The following TSR1 variants were observed in gnomAD, a reference collection of about 807,000 sequenced individuals.
TSR1 encodes the protein TSR1 ribosome maturation factor.
A neutral mutation model predicts 90.9 loss-of-function variants in TSR1; 81 were observed. The ratio of observed to expected loss-of-function variants is 0.89; its 90% CI spans 0.74 to 1.07. TSR1 has a LOEUF of 1.07. TSR1 is among the 50% of genes least tolerant of loss of function. The pLI is 0.00. For missense variants in TSR1, 989 were observed against 987.3 expected (o/e 1.00, Z -0.02); for synonymous variants, 362 against 348.8 (o/e 1.04, Z -0.42).
intron 10 of TSR1, chr17:2,330,178 C>A (rs1379932003): frequency 4.4e-6 from 2 of 459,388 alleles, no homozygotes; most frequent in African/African-American, 2.0e-5. Flanking sequence ...CTTGGCCTCC[C>A]AAAAAGTGCT....
chr17:2,333,392 G>A, intron 6 of TSR1, 165 bp downstream of exon 6: 3 of 926,444 alleles, frequency 3.2e-6, no homozygotes, highest in South Asian at 1.4e-5. Context: ...GAACAAGACT[G>A]TGTATAATGT....
chr17:2,324,847 A>C lies in TSR1; in HGVS notation c.2021-18T>G, dbSNP rs1597273491. The stretch of plus-strand genomic sequence containing the variant: ...GTGCATTCCTAAAGGACAAAAGCAA[A>C]GAAGCTATTTAGGAATTTACAGGCC... On this transcript the variant is annotated intron_variant, in intron 12 of 14. Transcript: ENST00000301364. 1 of 1,599,200 alleles carries C rather than the reference A, an allele frequency of 6.3e-7. No homozygotes were observed. Among genetic ancestry groups the C allele is most frequent in the Non-Finnish European group, 8.5e-7 (1 of 1,175,484 alleles).
chr17:2,336,037 C>A lies in TSR1; in HGVS notation c.201G>T (p.Ala67=), dbSNP rs2064070640. The A allele has an allele frequency of 1.2e-6, 2 of 1,614,062 alleles. No homozygotes were observed. The highest frequency in any genetic ancestry group is 4.5e-5 in the East Asian group (2 of 44,900). ...ASQLRKQKKE[A]VLAEKRQLGG... ...TTCTCCCAAATCCCGCTCCTCTCAC[C>A]GCCTCCTTCTTCTGCTTTCGGAGCT... Residue 67 remains alanine (A), a splice_region_variant and synonymous_variant, in exon 2 of 15, where the codon GCG becomes GCT. Transcript: ENST00000301364.
Position 2,336,303 on chromosome 17 carries a change from CCTTATTCCTT to C in TSR1, c.97+18_97+27del. ...AAAGAGTTAATAACGGCCAAATAGC[CCTTATTCCTT>C]CTACGTTATCTCCTTACCCTTGCCG... On this transcript the variant is annotated intron_variant, in intron 1 of 14. Coordinates refer to ENST00000301364, the MANE Select transcript of TSR1 (RefSeq NM_018128.5). The C allele has an allele frequency of 2.5e-6, 4 of 1,613,590 alleles. No homozygotes were observed. The highest frequency in any genetic ancestry group is 3.4e-6 in the Non-Finnish European group (4 of 1,179,452).
intron 11 of TSR1, among the ~76,000 whole-genome samples, chr17:2,328,180 T>G (rs1233221913): frequency 2.8e-5 from 4 of 145,214 alleles, no homozygotes; most frequent in African/African-American, 1.0e-4. Flanking sequence ...AAGGCAGAGG[T>G]TGCAGTGAGC....
intron 8 of TSR1, 119 bp from the exon 9 acceptor site, chr17:2,331,228 C>T (rs998830391): frequency 9.9e-6 from 8 of 805,764 alleles, no homozygotes; most frequent in Non-Finnish European, 1.5e-5. Flanking sequence ...ATCCTCTCTC[C>T]AAACAACCCA....
rs543205503 is a variant in TSR1, at chr17:2,329,142, A to G, written c.1903+201T>C. 2.1e-5 allele frequency: 18 copies of G among 863,908 alleles called. No individual in the cohort carries two copies. In the Admixed American group the frequency reaches 2.4e-4, roughly 11 times the overall value. The allele number at this position is 863,908 out of a possible 1,614,324, so 53.5% of individuals were successfully genotyped here. A position where few individuals can be genotyped will look rare whatever the true frequency, so the allele number is the denominator to read the frequency against. On this transcript the variant is annotated intron_variant, in intron 11 of 14. Coordinates refer to ENST00000301364, the MANE Select transcript of TSR1 (RefSeq NM_018128.5). ...CATGGCAAAAAAGCCTCAGTATCAC[A>G]CAGAAGTTGCATCACTGGGATGCTT... is the stretch of plus-strand genomic sequence containing the variant.
intron 6 of TSR1, 56 bp downstream of exon 6, chr17:2,333,501 C>G (rs765516320): frequency 6.2e-7 from 1 of 1,610,614 alleles, no homozygotes; most frequent in Non-Finnish European, 8.5e-7. Context: ...GGAACAGCTA[C>G]AGAAAATCCA....
Position 2,323,949 on chromosome 17 carries a change from CTT to C in TSR1, c.*245_*246del, listed in dbSNP as rs1168970839. 2.0e-5 allele frequency: 27 copies of C among 1,351,474 alleles called. No individual in the cohort carries two copies. The highest frequency in any genetic ancestry group is 2.7e-5 in the Non-Finnish European group (26 of 971,072). The allele number at this position is 1,351,474 out of a possible 1,614,324, so 83.7% of individuals were successfully genotyped here. ...ATTTTGTTTCCTAGTATTGTCAACT[CTT>C]AGTTATCAGATTCTTAATGGAGAGT... is the stretch of plus-strand genomic sequence containing the variant. On this transcript the variant is annotated 3_prime_UTR_variant, in exon 15 of 15. Transcript: ENST00000301364.
chr17:2,325,899 C>T (rs561848025), intron 11 of TSR1, among the ~76,000 whole-genome samples: 2 of 152,174 alleles, frequency 1.3e-5, no homozygotes, highest in Non-Finnish European at 1.5e-5. Context: ...GCGTGAGCCA[C>T]CGCGCCAGGC....
chr17:2,329,200 C>T lies in TSR1; in HGVS notation c.1903+143G>A, dbSNP rs747932834. ...GTTCAGACATTTTGAATAAAAACAT[C>T]ATTGGCTCTTAAGCCAGAGTACTGA... is the stretch of plus-strand genomic sequence containing the variant. On this transcript the variant is annotated intron_variant, in intron 11 of 14. Transcript: ENST00000301364. The T allele has an allele frequency of 2.4e-6, 3 of 1,266,062 alleles. No homozygotes were observed. In the South Asian group the frequency reaches 3.6e-5, roughly 15 times the overall value. 78.4% of individuals were successfully genotyped at this position (1,266,062 alleles called of 1,614,324 possible). A position where few individuals can be genotyped will look rare whatever the true frequency, so the allele number is the denominator to read the frequency against.
intron 11 of TSR1, among the ~76,000 whole-genome samples, 200 bp from the exon 12 acceptor site, chr17:2,325,620 C>CT (rs1200173992): frequency 2.7e-5 from 4 of 147,650 alleles, no homozygotes; most frequent in South Asian, 4.3e-4. Context: ...TTTTTTTTTT[C>CT]TTTTTTTTTG....
At position 2,335,597 on chromosome 17, in the gene TSR1, T is replaced by C; in HGVS notation, c.335A>G (p.His112Arg). Residue 112 changes from histidine to arginine, a missense_variant, in exon 3 of 15, where the codon CAC (histidine) becomes CGC (arginine). His to Arg is a conservative substitution (Grantham distance 29). Transcript: ENST00000301364. ...LLQDRDTGTV[H>R]LNELGNTQNF... ...CTGGGTGTTTCCCAATTCATTCAAG[T>C]GTACTGTTCCAGTGTCCCTATCTTG... is the stretch of plus-strand genomic sequence containing the variant. 1.2e-6 allele frequency: 2 copies of C among 1,614,182 alleles called. No individual in the cohort carries two copies. The highest frequency in any genetic ancestry group is 1.7e-6 in the Non-Finnish European group (2 of 1,180,034).
rs993074630 is a variant in TSR1 at position 2,332,999 on chromosome 17, C to T, written c.1267G>A (p.Asp423Asn). ...GGEGDEYEYDDMEHEDFMEEE... is the reference protein window; with the variant it reads ...GGEGDEYEYDNMEHEDFMEEE... ...TCCATAAAATCCTCATGTTCCATAT[C>T]ATCATATTCATATTCATCTCCTTCC... Residue 423 changes from aspartate to asparagine, a missense_variant, in exon 7 of 15, where the codon GAT becomes AAT. Transcript: ENST00000301364. 5 of 1,613,928 alleles carry T rather than the reference C, an allele frequency of 3.1e-6. No homozygotes were observed. The highest frequency in any genetic ancestry group is 4.2e-6 in the Non-Finnish European group (5 of 1,180,006).
chr17:2,332,093 A>G, intron 8 of TSR1, 76 bp downstream of exon 8: 3 of 1,529,078 alleles, frequency 2.0e-6, no homozygotes, highest in Non-Finnish European at 2.7e-6. Flanking sequence ...TTTGCATCAC[A>G]GTGACACAGC....
Position 2,334,779 on chromosome 17 carries a change from G to T in TSR1, c.674C>A (p.Thr225Asn). ...FPHDKLLLLD[T>N]QQEAGMLLRQ... ...AAGCAGCATCCCTGCCTCCTGTTGA[G>T]TGTCTAACAAGAGGAGTTTGTCATG... Residue 225 changes from threonine (T) to asparagine (N), a missense_variant, in exon 5 of 15, where the codon ACT becomes AAT. By Grantham distance (65) the Thr-to-Asn change is moderately conservative (BLOSUM62 0). Transcript: ENST00000301364. The T allele has an allele frequency of 6.2e-7, 1 of 1,614,226 alleles. No homozygotes were observed. The highest frequency in any genetic ancestry group is 2.2e-5 in the East Asian group (1 of 44,886).
At position 2,324,239 on chromosome 17, in the gene TSR1, T is replaced by A; in HGVS notation, c.2372A>T (p.Lys791Ile). ...PYVPEPVPWL[K>I]SEISSTVPQG... ...AGGCACTGTTGAAGAAATCTCACTTTTCAGCCAGGGTACTGGTTCTGGTAC... is the reference window on the plus strand; with the variant it reads ...AGGCACTGTTGAAGAAATCTCACTTATCAGCCAGGGTACTGGTTCTGGTAC... The change falls in exon 15 of 15, where the codon AAA becomes ATA. Residue 791 changes from lysine to isoleucine, a missense_variant. Lys to Ile is a moderately radical substitution (Grantham distance 102). Transcript: ENST00000301364. The A allele has an allele frequency of 6.5e-7, 1 of 1,530,478 alleles. No homozygotes were observed. The highest frequency in any genetic ancestry group is 1.3e-5 in the South Asian group (1 of 74,718). 94.8% of individuals were successfully genotyped at this position (1,530,478 alleles called of 1,614,324 possible).
intron 10 of TSR1, 47 bp downstream of exon 10, chr17:2,330,468 C>G (rs368167430): frequency 3.2e-6 from 5 of 1,554,634 alleles, no homozygotes; most frequent in Non-Finnish European, 4.4e-6. Flanking sequence ...TCAGAAGCAG[C>G]TGGAAAGTTT....
In TSR1 at chr17:2,333,017, C is replaced by A. The variant is rs1356190521; in HGVS notation, c.1249G>T (p.Asp417Tyr). 6.2e-7 allele frequency: 1 copy of A among 1,614,152 alleles called. No individual in the cohort carries two copies. Among genetic ancestry groups the A allele is most frequent in the Non-Finnish European group, 8.5e-7 (1 of 1,180,022 alleles). The change falls in exon 7 of 15, where the codon GAT becomes TAT. Residue 417 changes from aspartate to tyrosine, a missense_variant. Coordinates refer to ENST00000301364, the MANE Select transcript of TSR1 (RefSeq NM_018128.5). ...DGGSQSGGEG[D>Y]EYEYDDMEHE... The stretch of plus-strand genomic sequence containing the variant: ...TCCATATCATCATATTCATATTCAT[C>A]TCCTTCCCCACCACTTTGGCTGCCA...
Sources: allele counts gnomAD v4.1 joint callset (sites outside exome capture counted in the v4.1 genomes callset), GRCh38; gene constraint gnomAD v4.1.1; transcripts MANE v1.5; gene names NCBI Gene and HGNC (gene_info 2026-07-23, HGNC 2026-07-21).